CACNA1C: variants seen among roughly 807,000 people sequenced by gnomAD.
CACNA1C encodes voltage-dependent L-type calcium channel subunit alpha-1C.
A neutral mutation model predicts 229.0 loss-of-function variants in CACNA1C; 30 were observed. The observed-to-expected ratio is 0.13, with a 90% confidence interval of 0.10 to 0.18. The LOEUF is 0.18. Among genes scored for constraint, CACNA1C ranks in the 10% least tolerant of loss-of-function variants. The pLI, the probability that CACNA1C is intolerant of heterozygous loss-of-function variation, is 1.00. For synonymous variants in CACNA1C, 1,114 were observed against 1,132.5 expected, an observed-to-expected ratio of 0.98 and a Z score of 0.33; for missense variants, 1,658 against 2,845.0, an observed-to-expected ratio of 0.58 and a Z score of 9.49.
intron 31 of CACNA1C, among the ~76,000 whole-genome samples, chr12:2,650,652 C>T (rs1038991747): frequency 9.2e-5 from 14 of 152,142 alleles, no homozygotes; most frequent in Admixed American, 7.2e-4. Flanking sequence ...GGCAGAGGAC[C>T]GCAGGGCAGC....
At chr12:2,212,529 T>A (rs986748384) in intron 3 of CACNA1C, among the ~76,000 whole-genome samples, 2 of 152,246 alleles carry the variant, frequency 1.3e-5, no homozygotes, top group East Asian at 3.8e-4. Context: ...TGCTAACTTA[T>A]TTTTTGAGAA....
At chr12:2,105,253 G>A (rs1487541115) in intron 1 of CACNA1C, among the ~76,000 whole-genome samples, 1 of 152,220 alleles carries the variant, frequency 6.6e-6, no homozygotes, top group Non-Finnish European at 1.5e-5. Flanking sequence ...CAGCCTTCAT[G>A]TAGTCATCAG....
intron 5 of CACNA1C, among the ~76,000 whole-genome samples, chr12:2,473,649 G>A (rs1312030896): frequency 6.6e-6 from 1 of 152,088 alleles, no homozygotes; most frequent in Non-Finnish European, 1.5e-5. Context: ...TAAAGATGTT[G>A]AAACCTGGAC....
intron 9 of CACNA1C, among the ~76,000 whole-genome samples, chr12:2,524,139 G>T (rs2099814679): frequency 6.6e-6 from 1 of 152,234 alleles, no homozygotes; most frequent in Non-Finnish European, 1.5e-5. Context: ...CTAGTGGAAA[G>T]GTCACAGAAA....
intron 9 of CACNA1C, among the ~76,000 whole-genome samples, chr12:2,521,227 A>T (rs1364148309): frequency 6.6e-6 from 1 of 152,188 alleles, no homozygotes; most frequent in Non-Finnish European, 1.5e-5. Flanking sequence ...CTATGGTAGG[A>T]ACAGAGGCTG....
At chr12:2,255,436 TG>T (rs1454069332) in intron 3 of CACNA1C, among the ~76,000 whole-genome samples, 7 of 152,188 alleles carry the variant, frequency 4.6e-5, no homozygotes, top group Non-Finnish European at 1.0e-4. Context: ...TGCCCATCCA[TG>T]CCTGCAAGAA....
chr12:2,312,795 A>G (rs892594053), intron 3 of CACNA1C, among the ~76,000 whole-genome samples: 1 of 152,114 alleles, frequency 6.6e-6, no homozygotes, highest in African/African-American at 2.4e-5. Context: ...AAAGCTTGTG[A>G]TCATCTGAAG....
At chr12:2,416,062 A>G (rs2098892036) in intron 3 of CACNA1C, among the ~76,000 whole-genome samples, 2 of 151,998 alleles carry the variant, frequency 1.3e-5, no homozygotes, top group South Asian at 4.2e-4. Context: ...GTGTATCCTC[A>G]AGCTGGTCCC....
In CACNA1C at chr12:2,568,099, TC is replaced by T. The variant is rs549494071; in HGVS notation, c.1895+306del. Among the ~76,000 whole-genome samples, 199 of 152,254 alleles carry T rather than the reference TC, an allele frequency of 1.3e-3. 1 individual carries two copies. Among genetic ancestry groups the T allele is most frequent in the African/African-American group, 4.7e-3 (197 of 41,540 alleles). ...TTCAAGAAGAGGGTCAGGGACTCAA[TC>T]TCTTCTCCTGTGCTTCACCAGCCTT... On this transcript the variant is annotated intron_variant, in intron 13 of 46. Transcript: ENST00000399655.
intron 3 of CACNA1C, among the ~76,000 whole-genome samples, chr12:2,283,632 G>T (rs1031902235): frequency 6.6e-6 from 1 of 152,222 alleles, no homozygotes; most frequent in East Asian, 1.9e-4. Context: ...ACACTGAAAT[G>T]TTTATTGGCA....
chr12:2,171,964 A>G (rs2154264846), intron 3 of CACNA1C, among the ~76,000 whole-genome samples: 2 of 152,296 alleles, frequency 1.3e-5, no homozygotes, highest in South Asian at 4.1e-4. Flanking sequence ...CAGTATGCAG[A>G]TGACCACAGG....
At chr12:2,668,788 C>T in intron 37 of CACNA1C, 145 bp from the exon 38 acceptor site, 1 of 645,370 alleles carries the variant, frequency 1.5e-6, no homozygotes, top group Non-Finnish European at 2.8e-6. Context: ...TTCCATCAGG[C>T]CCCACCTCCA....
intron 3 of CACNA1C, among the ~76,000 whole-genome samples, chr12:2,436,187 T>C (rs909138696): frequency 1.3e-5 from 2 of 152,202 alleles, no homozygotes; most frequent in African/African-American, 2.4e-5. Flanking sequence ...GGAATCCTTA[T>C]AAGTTCTTGA....
chr12:2,317,470 G>T (rs2095753069), intron 3 of CACNA1C, among the ~76,000 whole-genome samples: 1 of 152,166 alleles, frequency 6.6e-6, no homozygotes, highest in Admixed American at 6.5e-5. Context: ...TGGGAAGCAG[G>T]ATGACGGTTT....
upstream of CACNA1C, among the ~76,000 whole-genome samples, chr12:2,052,278 T>G (rs1327980786): frequency 6.6e-6 from 1 of 152,182 alleles, no homozygotes; most frequent in Non-Finnish European, 1.5e-5. Flanking sequence ...CACCGCTGCC[T>G]CGCCTACCAG....
chr12:2,079,668 A>G (rs1168214580), intron 1 of CACNA1C, among the ~76,000 whole-genome samples: 1 of 152,194 alleles, frequency 6.6e-6, no homozygotes, highest in Admixed American at 6.5e-5. Flanking sequence ...TTAGTCCATA[A>G]CAATGGTAAA....
intron 45 of CACNA1C, 135 bp downstream of exon 45, chr12:2,686,404 G>A: frequency 1.3e-6 from 1 of 782,240 alleles, no homozygotes; most frequent in Non-Finnish European, 2.3e-6. Context: ...CCTGCCCTAA[G>A]AGCCATCCCT....
At chr12:2,214,725 G>A (rs1376496948) in intron 3 of CACNA1C, among the ~76,000 whole-genome samples, 1 of 50,012 alleles carries the variant, frequency 2.0e-5, no homozygotes, top group East Asian at 4.3e-4. Flanking sequence ...GCACTCCTTG[G>A]ATAAGAGGTG....
chr12:2,550,271 C>T (rs756432178), intron 10 of CACNA1C, among the ~76,000 whole-genome samples: 2 of 152,258 alleles, frequency 1.3e-5, no homozygotes, highest in East Asian at 3.9e-4. Flanking sequence ...ATCACTTCTT[C>T]GGGGGTGCTG....
Sources: gnomAD v4.1 joint callset for allele counts (sites outside exome capture counted in the v4.1 genomes callset) on GRCh38, gnomAD v4.1.1 for gene constraint, MANE v1.5 for transcripts, NCBI Gene and HGNC (gene_info 2026-07-23, HGNC 2026-07-21) for gene names.